CHLSN: variants seen among roughly 807,000 people sequenced by gnomAD.
CHLSN encodes the protein cholesin.
chr7:1,037,635 G>A, the CHLSN span, among the ~76,000 whole-genome samples: 61 of 142,304 alleles, frequency 4.3e-4, no homozygotes, highest in East Asian at 0.01. Context: ...GCCTCCCAAA[G>A]TGCCGAGATT....
chr7:1,013,190 G>C, the CHLSN span, among the ~76,000 whole-genome samples: 2 of 152,232 alleles, frequency 1.3e-5, no homozygotes, highest in Non-Finnish European at 2.9e-5. Context: ...CCACAGACGA[G>C]CAGCGGAGAA....
chr7:1,103,813 A>T, the CHLSN span, among the ~76,000 whole-genome samples: 1 of 152,190 alleles, frequency 6.6e-6, no homozygotes, highest in Non-Finnish European at 1.5e-5. Context: ...GGTGAGACAC[A>T]AGTGTGCAGA....
the CHLSN span, among the ~76,000 whole-genome samples, chr7:1,102,051 G>A: frequency 6.6e-6 from 1 of 152,228 alleles, no homozygotes; most frequent in African/African-American, 2.4e-5. Flanking sequence ...CAGGGGCTGG[G>A]CAGCATGTCC....
the CHLSN span, among the ~76,000 whole-genome samples, chr7:984,025 C>T: frequency 6.6e-6 from 1 of 152,154 alleles, no homozygotes; most frequent in Non-Finnish European, 1.5e-5. Context: ...TAGCCGAAGA[C>T]GGATCAGGGT....
chr7:988,832 C>G, the CHLSN span: 1 of 1,514,670 alleles, frequency 6.6e-7, no homozygotes. Flanking sequence ...GGAGCTCCCC[C>G]AGCCCCCAGG....
the CHLSN span, among the ~76,000 whole-genome samples, chr7:1,005,818 C>T: frequency 2.6e-5 from 4 of 152,170 alleles, no homozygotes; most frequent in East Asian, 3.9e-4. Flanking sequence ...CGGCTGGATC[C>T]GTGTGGCCCG....
the CHLSN span, among the ~76,000 whole-genome samples, chr7:1,046,973 C>T: frequency 1.3e-4 from 20 of 152,362 alleles, no homozygotes; most frequent in African/African-American, 4.8e-4. Context: ...ACTGAGGAGC[C>T]CCGGCAGGTG....
the CHLSN span, among the ~76,000 whole-genome samples, chr7:1,084,331 C>T: frequency 6.6e-6 from 1 of 152,254 alleles, no homozygotes; most frequent in African/African-American, 2.4e-5. Context: ...CTCGGCCTCC[C>T]TTGACTCTCC....
At chr7:1,092,996 C>T in the CHLSN span, 11 of 810,738 alleles carry the variant, frequency 1.4e-5, no homozygotes, top group African/African-American at 1.5e-4. Flanking sequence ...GCGAGGGTCA[C>T]GCTTGCCTGG....
chr7:1,008,016 G>A, the CHLSN span, among the ~76,000 whole-genome samples: 3 of 152,298 alleles, frequency 2.0e-5, no homozygotes, highest in East Asian at 1.9e-4. Flanking sequence ...TGAGAGCAGC[G>A]GAAGGTGCTG....
At chr7:1,077,219 C>T in the CHLSN span, among the ~76,000 whole-genome samples, 2 of 152,062 alleles carry the variant, frequency 1.3e-5, no homozygotes, top group African/African-American at 4.8e-5. Context: ...GCAGTGGTGC[C>T]ATCTAGGCTC....
the CHLSN span, among the ~76,000 whole-genome samples, chr7:1,078,564 G>C: frequency 6.6e-6 from 1 of 151,724 alleles, no homozygotes; most frequent in Non-Finnish European, 1.5e-5. Flanking sequence ...GACCACAGGC[G>C]AGGCCTAACG....
the CHLSN span, chr7:984,342 C>A: frequency 6.7e-7 from 1 of 1,489,710 alleles, no homozygotes; most frequent in Non-Finnish European, 8.8e-7. Flanking sequence ...AGCACAGGCC[C>A]GGCCTGAGGG....
chr7:1,036,178 A>T, the CHLSN span, among the ~76,000 whole-genome samples: 2 of 152,208 alleles, frequency 1.3e-5, no homozygotes, highest in Non-Finnish European at 2.9e-5. Context: ...TGGTGCTGTA[A>T]CAGTGGATGC....
the CHLSN span, among the ~76,000 whole-genome samples, chr7:1,098,783 G>A: frequency 6.6e-6 from 1 of 152,254 alleles, no homozygotes; most frequent in Non-Finnish European, 1.5e-5. Flanking sequence ...AGGGCAGACA[G>A]GTCCACAGGA....
the CHLSN span, among the ~76,000 whole-genome samples, chr7:991,819 G>A: frequency 7.9e-5 from 12 of 152,300 alleles, no homozygotes; most frequent in East Asian, 7.7e-4. Flanking sequence ...TCATCTTCCC[G>A]GGCTGAAGCC....
the CHLSN span, among the ~76,000 whole-genome samples, chr7:1,033,022 C>T: frequency 1.3e-5 from 2 of 152,338 alleles, no homozygotes; most frequent in East Asian, 1.9e-4. Context: ...CGGACAGTCT[C>T]GGCAAGTCCG....
At chr7:1,003,053 G>A in the CHLSN span, among the ~76,000 whole-genome samples, 1 of 29,122 alleles carries the variant, frequency 3.4e-5, no homozygotes, top group African/African-American at 1.7e-4. Flanking sequence ...GTGGGTGAGT[G>A]GAGTCCTGCG....
the CHLSN span, among the ~76,000 whole-genome samples, chr7:1,006,341 G>A: frequency 9.9e-5 from 15 of 151,674 alleles, no homozygotes; most frequent in African/African-American, 3.6e-4. Context: ...AGCACACGAC[G>A]GTCACAGCAC....
Sources: allele counts gnomAD v4.1 joint callset (sites outside exome capture counted in the v4.1 genomes callset), GRCh38; gene constraint gnomAD v4.1.1; transcripts MANE v1.5; gene names NCBI Gene and HGNC (gene_info 2026-07-23, HGNC 2026-07-21).